Variants in NYAP2 observed in about 807,000 individuals in gnomAD.
NYAP2 encodes neuronal tyrosine-phosphorylated phosphoinositide-3-kinase adapter 2.
In NYAP2, 23 loss-of-function variants were observed where a neutral mutation model predicts 50.4. The observed-to-expected ratio is 0.46, with a 90% CI of 0.33 to 0.65. The LOEUF is 0.65. Among genes scored for constraint, NYAP2 ranks in the 30% least tolerant of loss-of-function variants. NYAP2 has a pLI of 0.02. For synonymous variants in NYAP2, 394 were observed against 365.2 expected (o/e 1.08, Z -0.90); for missense variants, 885 against 861.0 (o/e 1.03, Z -0.35).
Position 225,582,280 on chromosome 2 carries a change from A to T in NYAP2, c.863A>T (p.Asp288Val). The T allele has an allele frequency of 6.2e-7, 1 of 1,614,012 alleles. No homozygotes were observed. The highest frequency in any genetic ancestry group is 1.3e-5 in the African/African-American group (1 of 75,054). The change falls in exon 5 of 7, where the codon GAC (aspartate) becomes GTC (valine). Residue 288 changes from aspartate (D) to valine (V), a missense_variant. Coordinates refer to ENST00000636099, the Ensembl canonical transcript of NYAP2. This position sits in a 1 kb window ranked among gnomAD's most constrained non-coding sequence, Gnocchi z 7.0. Reference sequence around the variant, plus strand: ...GGCCAAGACGCCAAATGTGACTTCGACCATCACAGCTGTTCTTCGCAGTGT... The same window carrying T: ...GGCCAAGACGCCAAATGTGACTTCGTCCATCACAGCTGTTCTTCGCAGTGT...
At chr2:225,564,956 C>A (rs1026105184) in intron 4 of NYAP2, among the ~76,000 whole-genome samples, 1 of 151,816 alleles carries the variant, frequency 6.6e-6, no homozygotes, top group Non-Finnish European at 1.5e-5. Context: ...ATGGTGAAAC[C>A]CCATCTCTAC....
chr2:225,425,365 G>A (rs184729350), intron 3 of NYAP2, among the ~76,000 whole-genome samples: 71 of 152,300 alleles, frequency 4.7e-4, no homozygotes, highest in Non-Finnish European at 4.9e-4. Flanking sequence ...TACACACAGA[G>A]CATATCTCAC....
At chr2:225,633,407 A>T (rs908366683) in intron 6 of NYAP2, among the ~76,000 whole-genome samples, 1 of 152,326 alleles carries the variant, frequency 6.6e-6, no homozygotes, top group South Asian at 2.1e-4. Flanking sequence ...TGAGATGCTA[A>T]TTGAGATGCC....
At chr2:225,556,294 C>G (rs1195197320) in intron 4 of NYAP2, among the ~76,000 whole-genome samples, 3 of 152,124 alleles carry the variant, frequency 2.0e-5, no homozygotes, top group African/African-American at 7.2e-5. Context: ...TACAATATAG[C>G]ATATACAGGT....
In NYAP2 at chr2:225,618,024, T is replaced by C. The variant is rs138603176; in HGVS notation, c.1619-8893T>C. On this transcript the variant is annotated intron_variant, in intron 5 of 6. Coordinates refer to ENST00000636099, the Ensembl canonical transcript of NYAP2. ...GGCAACAAGATATATAAACAACAACTGTGACAAGTCACATCAGAGCACAAG... is the reference window on the plus strand; with the variant it reads ...GGCAACAAGATATATAAACAACAACCGTGACAAGTCACATCAGAGCACAAG... Among the ~76,000 whole-genome samples, 382 of 152,282 alleles carry C rather than the reference T, an allele frequency of 2.5e-3. 5 individuals are homozygous for C. The highest frequency in any genetic ancestry group is 8.9e-3 in the African/African-American group (370 of 41,560).
the NYAP2 span, among the ~76,000 whole-genome samples, chr2:225,696,909 G>A: frequency 1.3e-4 from 20 of 151,826 alleles, no homozygotes; most frequent in Non-Finnish European, 2.9e-4. Context: ...TTTTGATGAG[G>A]AATAAATGAA....
the NYAP2 span, among the ~76,000 whole-genome samples, chr2:225,696,799 T>C: frequency 2.6e-5 from 4 of 151,988 alleles, no homozygotes; most frequent in Non-Finnish European, 4.4e-5. Context: ...ATCTTGACTC[T>C]GCCATTTGTT....
intron 6 of NYAP2, among the ~76,000 whole-genome samples, chr2:225,649,497 C>T (rs1480152229): frequency 2.0e-5 from 3 of 152,312 alleles, no homozygotes; most frequent in South Asian, 4.1e-4. Context: ...TCTACGTCTT[C>T]CTTCTAACAT....
chr2:225,411,752 TA>T (rs1695045394), intron 3 of NYAP2, among the ~76,000 whole-genome samples: 4 of 151,926 alleles, frequency 2.6e-5, no homozygotes, highest in Admixed American at 2.6e-4. Flanking sequence ...CAAAAGCGAT[TA>T]AAGAAGAGAG....
intron 3 of NYAP2, among the ~76,000 whole-genome samples, chr2:225,508,806 C>T (rs1378603570): frequency 2.6e-5 from 4 of 152,214 alleles, no homozygotes; most frequent in African/African-American, 9.6e-5. Context: ...AACATAGCCT[C>T]AACTAAAATG....
At chr2:225,616,171 A>C (rs1692986117) in intron 5 of NYAP2, among the ~76,000 whole-genome samples, 1 of 152,164 alleles carries the variant, frequency 6.6e-6, no homozygotes. Flanking sequence ...CTTTCTTTCC[A>C]ACTGTACTGA....
intron 3 of NYAP2, among the ~76,000 whole-genome samples, chr2:225,490,257 G>A (rs1048183754): frequency 2.6e-5 from 4 of 152,062 alleles, no homozygotes; most frequent in Non-Finnish European, 5.9e-5. Flanking sequence ...ATCCCATTCT[G>A]TTCTCTTCTA....
At chr2:225,498,280 A>G (rs753702535) in intron 3 of NYAP2, among the ~76,000 whole-genome samples, 1 of 152,180 alleles carries the variant, frequency 6.6e-6, no homozygotes, top group Non-Finnish European at 1.5e-5. Context: ...GAAGTTCACT[A>G]AAGAAGAGAG....
intron 6 of NYAP2, among the ~76,000 whole-genome samples, chr2:225,648,806 G>A (rs1211766515): frequency 6.6e-6 from 1 of 152,150 alleles, no homozygotes; most frequent in African/African-American, 2.4e-5. Context: ...TCAAAAAGGA[G>A]CATGGGAAGG....
intron 4 of NYAP2, among the ~76,000 whole-genome samples, chr2:225,566,687 C>G (rs201834876): frequency 6.6e-6 from 1 of 152,204 alleles, no homozygotes; most frequent in East Asian, 1.9e-4. Flanking sequence ...GTGATAGCTA[C>G]AGTGAACTTG....
At chr2:225,488,055 A>G (rs988262600) in intron 3 of NYAP2, among the ~76,000 whole-genome samples, 13 of 152,308 alleles carry the variant, frequency 8.5e-5, no homozygotes, top group Non-Finnish European at 5.9e-5. Context: ...TTGTTCTCCT[A>G]GGAAGTTTCT....
At chr2:225,661,023 T>C in the NYAP2 span, among the ~76,000 whole-genome samples, 4 of 152,152 alleles carry the variant, frequency 2.6e-5, no homozygotes, top group Non-Finnish European at 5.9e-5. Flanking sequence ...GGAAAGGAGA[T>C]CATTATCCCT....
chr2:225,529,161 C>T (rs542953115), intron 4 of NYAP2, among the ~76,000 whole-genome samples: 10 of 152,272 alleles, frequency 6.6e-5, no homozygotes, highest in South Asian at 4.1e-4. Context: ...CTTTATTAAA[C>T]GACTTCCACC....
At chr2:225,624,921 G>A (rs991541289) in intron 5 of NYAP2, among the ~76,000 whole-genome samples, 4 of 151,634 alleles carry the variant, frequency 2.6e-5, no homozygotes, top group Admixed American at 6.6e-5. Flanking sequence ...TTCCTGACCC[G>A]GACTGCTCAA....
Sources: allele counts gnomAD v4.1 joint callset (sites outside exome capture counted in the v4.1 genomes callset), GRCh38; gene constraint gnomAD v4.1.1; non-coding constraint Gnocchi (gnomAD v3.1); transcripts MANE v1.5; gene names NCBI Gene and HGNC (gene_info 2026-07-23, HGNC 2026-07-21).